CPEB1: variants seen among roughly 807,000 people sequenced by gnomAD.
CPEB1 encodes the protein cytoplasmic polyadenylation element-binding protein 1.
In CPEB1, 7 loss-of-function variants were observed where a neutral mutation model predicts 65.8. That is an observed-to-expected ratio of 0.11 (90% confidence interval 0.06 to 0.20). CPEB1 has a LOEUF of 0.20. CPEB1 is among the 10% of genes least tolerant of loss of function. The pLI, the probability that CPEB1 is intolerant of heterozygous loss-of-function variation, is 1.00. For missense variants in CPEB1, 551 were observed against 712.2 expected (o/e 0.77, Z 2.58); for synonymous variants, 262 against 260.0 (o/e 1.01, Z -0.08).
chr15:82,647,988 G>C, upstream of CPEB1: 1 of 776,718 alleles, frequency 1.3e-6, no homozygotes, highest in Non-Finnish European at 1.7e-6. Context: ...CACCCCGGCA[G>C]CTTATGAAGC....
chr15:82,579,767 C>T (rs1567197911), intron 3 of CPEB1, among the ~76,000 whole-genome samples: 1 of 150,304 alleles, frequency 6.7e-6, no homozygotes, highest in Non-Finnish European at 1.5e-5. Context: ...AAAAAATTAG[C>T]CGGGCGCAGT....
chr15:82,641,502 T>C (rs978338602), intron 1 of CPEB1: 2 of 152,204 alleles, frequency 1.3e-5, no homozygotes, highest in Admixed American at 1.3e-4. Flanking sequence ...TCTGTCAGGA[T>C]GGTACATAAA....
At chr15:82,576,532 C>T (rs1309504464) in intron 3 of CPEB1, among the ~76,000 whole-genome samples, 1 of 152,060 alleles carries the variant, frequency 6.6e-6, no homozygotes, top group Non-Finnish European at 1.5e-5. Context: ...GCAATGTCTA[C>T]AATTTAAAGA....
At chr15:82,645,315 G>A (rs928598769) in intron 1 of CPEB1, among the ~76,000 whole-genome samples, 2 of 152,052 alleles carry the variant, frequency 1.3e-5, no homozygotes, top group Admixed American at 6.6e-5. Context: ...ACCATGCCCG[G>A]CTAATTTTTG....
At chr15:82,598,533 T>G (rs928229020) in intron 3 of CPEB1, among the ~76,000 whole-genome samples, 4 of 149,480 alleles carry the variant, frequency 2.7e-5, no homozygotes, top group African/African-American at 9.9e-5. Context: ...GCCTATAATC[T>G]CAGTATTTTG....
intron 3 of CPEB1, among the ~76,000 whole-genome samples, chr15:82,605,928 C>T (rs1369602951): frequency 1.3e-5 from 2 of 152,036 alleles, no homozygotes; most frequent in African/African-American, 2.4e-5. Context: ...ATCCCCGTTA[C>T]CCGGGAGGCT....
At chr15:82,612,212 T>C (rs773076393) in intron 3 of CPEB1, among the ~76,000 whole-genome samples, 9 of 151,854 alleles carry the variant, frequency 5.9e-5, no homozygotes, top group Non-Finnish European at 8.8e-5. Flanking sequence ...GAATAGAAAT[T>C]TGAGCCAGGT....
At chr15:82,602,722 T>C (rs1306271051) in intron 3 of CPEB1, among the ~76,000 whole-genome samples, 1 of 152,116 alleles carries the variant, frequency 6.6e-6, no homozygotes, top group Non-Finnish European at 1.5e-5. Flanking sequence ...GGCAAGTGCC[T>C]GTAATCCCAG....
chr15:82,609,803 G>A (rs947016646), intron 3 of CPEB1, among the ~76,000 whole-genome samples: 14 of 152,114 alleles, frequency 9.2e-5, no homozygotes, highest in African/African-American at 3.1e-4. Context: ...GCTCATGCCT[G>A]TAATCCCAGC....
chr15:82,632,069 C>T (rs1263014432), intron 1 of CPEB1, among the ~76,000 whole-genome samples: 1 of 149,458 alleles, frequency 6.7e-6, no homozygotes, highest in African/African-American at 2.5e-5. Context: ...GCAAGCTCCG[C>T]CTCCCGGGTT....
intron 3 of CPEB1, among the ~76,000 whole-genome samples, chr15:82,613,765 G>T (rs1020643167): frequency 6.6e-6 from 1 of 152,060 alleles, no homozygotes; most frequent in African/African-American, 2.4e-5. Context: ...ATGCTAAGAA[G>T]TTCACTCACA....
At chr15:82,626,424 C>A (rs1309735801) in intron 3 of CPEB1, among the ~76,000 whole-genome samples, 1 of 152,042 alleles carries the variant, frequency 6.6e-6, no homozygotes, top group African/African-American at 2.4e-5. Context: ...CAGAGTGAGA[C>A]TCCGTCCCAA....
At chr15:82,608,868 T>C (rs1377740068) in intron 3 of CPEB1, among the ~76,000 whole-genome samples, 1 of 152,216 alleles carries the variant, frequency 6.6e-6, no homozygotes, top group Non-Finnish European at 1.5e-5. Context: ...ACACAAGATA[T>C]TTCAATCTAC....
chr15:82,577,432 TAA>T (rs1167168345), intron 3 of CPEB1, among the ~76,000 whole-genome samples: 2 of 152,200 alleles, frequency 1.3e-5, no homozygotes, highest in African/African-American at 4.8e-5. Flanking sequence ...AAAACTATTT[TAA>T]GTTTTCTCTA....
At chr15:82,645,808 C>T (rs2047459815) in intron 1 of CPEB1, among the ~76,000 whole-genome samples, 1 of 152,034 alleles carries the variant, frequency 6.6e-6, no homozygotes, top group African/African-American at 2.4e-5. Flanking sequence ...GCGGAGGCTG[C>T]AGTGAGCCAA....
intron 10 of CPEB1, chr15:82,548,540 T>TCC: frequency 3.5e-6 from 1 of 288,052 alleles, no homozygotes; most frequent in South Asian, 2.9e-5. Context: ...GATAAGGGAC[T>TCC]CCTTCAGTGC....
At chr15:82,548,214 A>C (rs1394608112) in intron 10 of CPEB1, among the ~76,000 whole-genome samples, 1 of 152,038 alleles carries the variant, frequency 6.6e-6, no homozygotes, top group Non-Finnish European at 1.5e-5. Context: ...GCACACCTGT[A>C]GTCCCAGCTA....
At chr15:82,581,011 T>C (rs556628314) in intron 3 of CPEB1, among the ~76,000 whole-genome samples, 40 of 152,180 alleles carry the variant, frequency 2.6e-4, no homozygotes, top group African/African-American at 7.7e-4. Flanking sequence ...GTCACCAGCC[T>C]GGCTAAATTT....
At chr15:82,630,413 T>C (rs990599413) in intron 1 of CPEB1, among the ~76,000 whole-genome samples, 1 of 152,144 alleles carries the variant, frequency 6.6e-6, no homozygotes, top group Non-Finnish European at 1.5e-5. Context: ...AAAACCAGCC[T>C]GGGCAACATG....
Sources: allele counts gnomAD v4.1 joint callset (sites outside exome capture counted in the v4.1 genomes callset), GRCh38; gene constraint gnomAD v4.1.1; transcripts MANE v1.5; gene names NCBI Gene and HGNC (gene_info 2026-07-23, HGNC 2026-07-21).